EDIL3: variants seen among roughly 807,000 people sequenced by gnomAD.
EDIL3 encodes EGF-like repeat and discoidin I-like domain-containing protein 3.
A neutral mutation model predicts 67.4 loss-of-function variants in EDIL3; 37 were observed. The ratio of observed to expected loss-of-function variants is 0.55; its 90% CI spans 0.42 to 0.72. The LOEUF (loss-of-function observed/expected upper bound fraction) is 0.72, where lower values mean the gene tolerates loss of function less well. EDIL3 is among the 30% of genes least tolerant of loss of function. The probability of loss-of-function intolerance (pLI) is 0.00; values close to 1 mark genes in which losing one functional copy is unlikely to be tolerated. For synonymous variants in EDIL3, 195 were observed against 196.3 expected, an observed-to-expected ratio of 0.99 and a Z score of 0.05; for missense variants, 527 against 586.3, an observed-to-expected ratio of 0.90 and a Z score of 1.04.
At chr5:84,107,486 A>G (rs956810187) in intron 5 of EDIL3, among the ~76,000 whole-genome samples, 2 of 151,616 alleles carry the variant, frequency 1.3e-5, no homozygotes, top group African/African-American at 4.8e-5. Flanking sequence ...AACATTATAC[A>G]TGACAATGTG....
chr5:84,082,347 TG>T (rs1746986057), intron 6 of EDIL3, among the ~76,000 whole-genome samples: 1 of 152,166 alleles, frequency 6.6e-6, no homozygotes, highest in Non-Finnish European at 1.5e-5. Flanking sequence ...CAGAAAACTG[TG>T]ATGTTCTTTA....
At chr5:83,989,554 T>C (rs1021793791) in intron 9 of EDIL3, among the ~76,000 whole-genome samples, 39 of 152,144 alleles carry the variant, frequency 2.6e-4, no homozygotes, top group Non-Finnish European at 7.3e-5. Flanking sequence ...ATCATTTGAA[T>C]GAAAGGGGAC....
At chr5:84,004,676 A>T (rs1580274928) in intron 9 of EDIL3, among the ~76,000 whole-genome samples, 3 of 152,106 alleles carry the variant, frequency 2.0e-5, no homozygotes, top group Admixed American at 6.5e-5. Context: ...TCTCTGGGAC[A>T]CAGCTAAGGT....
chr5:84,159,180 A>C (rs1431708554), intron 4 of EDIL3, among the ~76,000 whole-genome samples: 1 of 152,068 alleles, frequency 6.6e-6, no homozygotes, highest in African/African-American at 2.4e-5. Flanking sequence ...AACATCCATT[A>C]ACAGAAAAGT....
chr5:84,067,720 G>A (rs528523458), intron 6 of EDIL3, among the ~76,000 whole-genome samples: 6 of 152,192 alleles, frequency 3.9e-5, no homozygotes, highest in East Asian at 3.9e-4. Flanking sequence ...CCACCCTATC[G>A]CCATTGTTTC....
intron 3 of EDIL3, among the ~76,000 whole-genome samples, chr5:84,224,501 G>A (rs1253720041): frequency 1.3e-5 from 2 of 151,280 alleles, no homozygotes; most frequent in African/African-American, 4.8e-5. Flanking sequence ...AGTTTATGAA[G>A]TATCTATTAT....
At chr5:84,003,327 C>T (rs930762722) in intron 9 of EDIL3, among the ~76,000 whole-genome samples, 1 of 152,074 alleles carries the variant, frequency 6.6e-6, no homozygotes, top group Non-Finnish European at 1.5e-5. Flanking sequence ...TGCCAAGGGC[C>T]CTGTCCCTGC....
intron 9 of EDIL3, among the ~76,000 whole-genome samples, chr5:84,041,312 G>T (rs1036131182): frequency 6.6e-6 from 1 of 151,736 alleles, no homozygotes; most frequent in Admixed American, 6.6e-5. Flanking sequence ...AATCTCTGGG[G>T]ATAAAATTTA....
intron 5 of EDIL3, among the ~76,000 whole-genome samples, chr5:84,131,973 C>T (rs1425255390): frequency 6.6e-6 from 1 of 151,778 alleles, no homozygotes; most frequent in Non-Finnish European, 1.5e-5. Flanking sequence ...TGGCTCACAC[C>T]TTTAATCCCA....
At chr5:84,020,988 A>G (rs1380234944) in intron 9 of EDIL3, among the ~76,000 whole-genome samples, 2 of 152,080 alleles carry the variant, frequency 1.3e-5, no homozygotes, top group Non-Finnish European at 1.5e-5. Context: ...AAAAAATTAC[A>G]CATACTTTTA....
At chr5:84,261,906 A>G (rs916689677) in intron 1 of EDIL3, among the ~76,000 whole-genome samples, 3 of 152,188 alleles carry the variant, frequency 2.0e-5, no homozygotes, top group Non-Finnish European at 2.9e-5. Context: ...TGCTAAGGGT[A>G]TATTGGGCTG....
At chr5:84,016,324 C>G (rs764607758) in intron 9 of EDIL3, among the ~76,000 whole-genome samples, 2 of 152,146 alleles carry the variant, frequency 1.3e-5, no homozygotes, top group Non-Finnish European at 2.9e-5. Flanking sequence ...TCATGCATAT[C>G]AAAACACTGC....
At chr5:84,342,146 G>A (rs10059692) in intron 1 of EDIL3, among the ~76,000 whole-genome samples, 66,930 of 151,872 alleles carry the variant, frequency 0.44, 14,927 homozygotes, top group South Asian at 0.5. Context: ...AAAATAGAGT[G>A]TATATAGACA....
intron 4 of EDIL3, among the ~76,000 whole-genome samples, chr5:84,140,852 A>T (rs1289235881): frequency 2.6e-5 from 4 of 152,174 alleles, no homozygotes; most frequent in African/African-American, 9.6e-5. Flanking sequence ...CAAGCTTAGA[A>T]GACAGTTGCA....
intron 2 of EDIL3, among the ~76,000 whole-genome samples, chr5:84,242,821 G>T (rs928127194): frequency 1.7e-5 from 1 of 59,242 alleles, no homozygotes; most frequent in Non-Finnish European, 3.3e-5. Flanking sequence ...AACTTCCAAA[G>T]AAATATTATT....
chr5:84,097,208 T>A (rs900316407), intron 6 of EDIL3, among the ~76,000 whole-genome samples: 1 of 152,124 alleles, frequency 6.6e-6, no homozygotes, highest in Non-Finnish European at 1.5e-5. Context: ...GGGAACATAT[T>A]AAGATCATAG....
At chr5:84,088,452 T>C (rs1407153013) in intron 6 of EDIL3, among the ~76,000 whole-genome samples, 1 of 152,226 alleles carries the variant, frequency 6.6e-6, no homozygotes, top group African/African-American at 2.4e-5. Flanking sequence ...GCTGACATTA[T>C]GTAAAAATAC....
At chr5:84,255,765 T>C (rs1441940450) in intron 1 of EDIL3, among the ~76,000 whole-genome samples, 1 of 152,132 alleles carries the variant, frequency 6.6e-6, no homozygotes, top group African/African-American at 2.4e-5. Context: ...AGATGATAGA[T>C]TAAAACAGTA....
At chr5:84,260,051 T>C (rs1344232051) in intron 1 of EDIL3, among the ~76,000 whole-genome samples, 1 of 152,148 alleles carries the variant, frequency 6.6e-6, no homozygotes, top group Admixed American at 6.5e-5. Context: ...TCTTGGATAG[T>C]TTGTGTTCAG....
Sources: allele counts gnomAD v4.1 joint callset (sites outside exome capture counted in the v4.1 genomes callset), GRCh38; gene constraint gnomAD v4.1.1; transcripts MANE v1.5; gene names NCBI Gene and HGNC (gene_info 2026-07-23, HGNC 2026-07-21).